Variants in NFXL1 observed in about 807,000 individuals in gnomAD.
NFXL1 encodes the protein NF-X1-type zinc finger protein NFXL1.
In NFXL1, 66 loss-of-function variants were observed where a neutral mutation model predicts 123.3. The observed-to-expected ratio is 0.54, with a 90% CI of 0.44 to 0.66. The LOEUF (loss-of-function observed/expected upper bound fraction) is 0.66. Ranked by LOEUF, NFXL1 falls within the 30% of genes least tolerant of loss-of-function variation. The pLI is 0.00. For synonymous variants in NFXL1, 346 were observed against 360.8 expected, an observed-to-expected ratio of 0.96 and a Z score of 0.46; for missense variants, 944 against 1,125.6, an observed-to-expected ratio of 0.84 and a Z score of 2.31.
intron 19 of NFXL1, among the ~76,000 whole-genome samples, chr4:47,860,714 T>A (rs945799239): frequency 6.6e-6 from 1 of 152,234 alleles, no homozygotes. Context: ...CAAAGTGATA[T>A]ACTTCTTGGC....
intron 3 of NFXL1, among the ~76,000 whole-genome samples, chr4:47,906,307 G>A (rs766720810): frequency 1.3e-5 from 2 of 152,102 alleles, no homozygotes; most frequent in African/African-American, 4.8e-5. Context: ...AGATTAAAAC[G>A]TAAACTACCA....
At position 47,910,923 on chromosome 4, in the gene NFXL1, C is replaced by T. The variant is rs763127394; in HGVS notation, c.307G>A (p.Glu103Lys). 8.7e-6 allele frequency: 14 copies of T among 1,608,168 alleles called. No individual in the cohort carries two copies. The highest frequency in any genetic ancestry group is 1.1e-5 in the Non-Finnish European group (13 of 1,177,282). ...TCTTCAGATGAAGAGCTAAACTGTTCTTCAACAAGTTTTCTGGCTGCAGCT... is the reference window on the plus strand; with the variant it reads ...TCTTCAGATGAAGAGCTAAACTGTTTTTCAACAAGTTTTCTGGCTGCAGCT... ...NQAAARKLVEEQFSSSSEEGD... is the reference protein window; with the variant it reads ...NQAAARKLVEKQFSSSSEEGD... The change falls in exon 3 of 23, where the codon GAA (glutamate) becomes AAA (lysine). Residue 103 changes from glutamate to lysine, a missense_variant. Transcript: ENST00000507489.
chr4:47,886,305 T>C (rs1736425014), intron 12 of NFXL1, among the ~76,000 whole-genome samples: 1 of 152,184 alleles, frequency 6.6e-6, no homozygotes, highest in African/African-American at 2.4e-5. Flanking sequence ...ATGTAAGTTT[T>C]GGTTACCTGG....
chr4:47,850,756 C>T (rs185081431), intron 22 of NFXL1, among the ~76,000 whole-genome samples: 2 of 152,140 alleles, frequency 1.3e-5, no homozygotes, highest in African/African-American at 4.8e-5. Context: ...GTCATGGTCT[C>T]CAGAAGATGC....
At chr4:47,877,580 G>T (rs1735829298) in intron 17 of NFXL1, among the ~76,000 whole-genome samples, 1 of 151,986 alleles carries the variant, frequency 6.6e-6, no homozygotes, top group African/African-American at 2.4e-5. Context: ...TTGTTAGTTT[G>T]ATTTTATAAT....
chr4:47,911,809 G>A (rs2110111157), intron 2 of NFXL1, among the ~76,000 whole-genome samples: 1 of 152,298 alleles, frequency 6.6e-6, no homozygotes, highest in South Asian at 2.1e-4. Context: ...CTTCTTGAGA[G>A]CAAGGACCAC....
rs776493802 is a variant in NFXL1 at position 47,884,334 on chromosome 4, T to C, written c.1916+12A>G. On this transcript the variant is annotated intron_variant, in intron 15 of 22. Coordinates refer to ENST00000507489, the MANE Select transcript of NFXL1 (RefSeq NM_001278624.2). ...TTTGTTTTTTTTTTTTAATTGAAAT[T>C]CTAATACTTACATAGGAATAGGAAC... 6.8e-7 allele frequency: 1 copy of C among 1,469,684 alleles called. No individual in the cohort carries two copies. The highest frequency in any genetic ancestry group is 2.0e-5 in the Admixed American group (1 of 50,824). 91.0% of individuals were successfully genotyped at this position (1,469,684 alleles called of 1,614,324 possible). A position where few individuals can be genotyped will look rare whatever the true frequency, so the allele number is the denominator to read the frequency against.
intron 12 of NFXL1, among the ~76,000 whole-genome samples, 179 bp from the exon 13 acceptor site, chr4:47,886,178 G>C (rs974230942): frequency 6.6e-6 from 1 of 152,120 alleles, no homozygotes; most frequent in African/African-American, 2.4e-5. Context: ...GGAGTACATA[G>C]TGCATGATTC....
At chr4:47,894,042 G>A (rs1440586305) in intron 11 of NFXL1, 138 bp downstream of exon 11, 1 of 488,816 alleles carries the variant, frequency 2.0e-6, no homozygotes, top group East Asian at 3.5e-5. Context: ...GCTTAATCTA[G>A]AATATTTATT....
rs1428448764 is a variant in NFXL1 at position 47,898,790 on chromosome 4, T to C, written c.1056A>G (p.Arg352=). 28 of 1,613,666 alleles carry C rather than the reference T, an allele frequency of 1.7e-5. No homozygotes were observed. The highest frequency in any genetic ancestry group is 2.1e-5 in the Non-Finnish European group (25 of 1,179,682). ...AGTGCCATAGTGGACTTGCACAACTTCTTTCAGCTACTTTTTTGCCACAGA... is the reference window on the plus strand; with the variant it reads ...AGTGCCATAGTGGACTTGCACAACTCCTTTCAGCTACTTTTTTGCCACAGA... ...KCVCGKKVAE[R]SCASPLWHCD... Residue 352 remains arginine (R), a synonymous_variant, in exon 8 of 23, where the codon AGA becomes AGG. Coordinates refer to ENST00000507489, the MANE Select transcript of NFXL1 (RefSeq NM_001278624.2).
Position 47,851,097 on chromosome 4 carries a change from G to A in NFXL1, c.2560C>T (p.Gln854Ter). ...AALEEEKRRQ[Q>*]AELEAFENRL... ...ATCTGGGTATTTTGTTTGGTTACCTGTTGTCTTCGTTTTTCTTCTTCAAGA... is the reference window on the plus strand; with the variant it reads ...ATCTGGGTATTTTGTTTGGTTACCTATTGTCTTCGTTTTTCTTCTTCAAGA... The change falls in exon 22 of 23, where the codon CAG becomes TAG. Residue 854 changes from glutamine (Q) to a stop codon, truncating the protein, a stop_gained and splice_region_variant. Coordinates refer to ENST00000507489, the MANE Select transcript of NFXL1 (RefSeq NM_001278624.2). LOFTEE classifies it high-confidence loss of function. The A allele has an allele frequency of 5.6e-6, 9 of 1,609,376 alleles. No individual in the cohort carries two copies. Among genetic ancestry groups the A allele is most frequent in the Non-Finnish European group, 7.7e-6 (9 of 1,175,854 alleles).
chr4:47,912,917 G>T (rs1341102108), intron 2 of NFXL1, among the ~76,000 whole-genome samples: 4 of 149,016 alleles, frequency 2.7e-5, no homozygotes, highest in Non-Finnish European at 5.9e-5. Flanking sequence ...GGAGGCTGAG[G>T]CCGGAGAACG....
chr4:47,860,168 T>TTAG (rs367617756), intron 19 of NFXL1, among the ~76,000 whole-genome samples: 43 of 152,296 alleles, frequency 2.8e-4, no homozygotes, highest in African/African-American at 9.6e-4. Flanking sequence ...TTAACTCAAC[T>TTAG]TAGTCATTCC....
Position 47,914,094 on chromosome 4 carries a change from C to A in NFXL1, c.110G>T (p.Arg37Leu). 3.2e-6 allele frequency: 5 copies of A among 1,551,510 alleles called. No individual in the cohort carries two copies. Among genetic ancestry groups the A allele is most frequent in the Non-Finnish European group, 4.4e-6 (5 of 1,147,778 alleles). The change falls in exon 2 of 23, where the codon CGA becomes CTA. Residue 37 changes from arginine (R) to leucine (L), a missense_variant. By Grantham distance (102) the Arg-to-Leu change is moderately radical (BLOSUM62 -2). Around this residue, in one of 4 missense-constraint regions of NFXL1, gnomAD observed 303 missense variants for 292.1 expected, o/e 1.04. Transcript: ENST00000507489. ...AACTGCGCCCACCGACCCCTTCTCT[C>A]GCCCTCCTCCGGCGCCGCGGAGATG... ...GVHLRGAGGG[R>L]EKGSVGAVPS...
intron 19 of NFXL1, among the ~76,000 whole-genome samples, chr4:47,862,005 T>C (rs1249141795): frequency 6.6e-6 from 1 of 152,198 alleles, no homozygotes; most frequent in African/African-American, 2.4e-5. Flanking sequence ...AGATACTATA[T>C]AGTACATCTG....
rs1442263141 is a variant in NFXL1, at chr4:47,874,435, G to A, written c.2246+692C>T. ...CTGTTGTTTCTTGGAATAAGTAGGCGCAAGAAGAGGTAGAGAGATAGGGGA... is the reference window on the plus strand; with the variant it reads ...CTGTTGTTTCTTGGAATAAGTAGGCACAAGAAGAGGTAGAGAGATAGGGGA... On this transcript the variant is annotated intron_variant, in intron 18 of 22. Coordinates refer to ENST00000507489, the MANE Select transcript of NFXL1 (RefSeq NM_001278624.2). Among the ~76,000 whole-genome samples the A allele has an allele frequency of 4.6e-5, 7 of 152,114 alleles. No individual in the cohort carries two copies. In the East Asian group the frequency reaches 5.8e-4, roughly 13 times the overall value.
intron 8 of NFXL1, 91 bp from the exon 9 acceptor site, chr4:47,898,172 A>C: frequency 1.6e-5 from 5 of 308,644 alleles, no homozygotes; most frequent in Non-Finnish European, 2.0e-5. Context: ...TCAATCACAA[A>C]TAAACAACTG....
chr4:47,914,468 G>A lies in NFXL1; in HGVS notation c.-106C>T. 4 of 402,978 alleles carry A rather than the reference G, an allele frequency of 9.9e-6. No homozygotes were observed. The highest frequency in any genetic ancestry group is 1.8e-5 in the Non-Finnish European group (4 of 225,228). The allele number at this position is 402,978 out of a possible 1,614,324, so 25.0% of individuals were successfully genotyped here. A position where few individuals can be genotyped will look rare whatever the true frequency, so the allele number is the denominator to read the frequency against. Reference sequence around the variant, plus strand: ...CGCGGAGCAAGAAGCACACAGTGCCGAAGACAGAAAGCCGGAGGAGAAGTC... The same window carrying A: ...CGCGGAGCAAGAAGCACACAGTGCCAAAGACAGAAAGCCGGAGGAGAAGTC... On this transcript the variant is annotated 5_prime_UTR_variant, in exon 1 of 23. Coordinates refer to ENST00000507489, the MANE Select transcript of NFXL1 (RefSeq NM_001278624.2).
At chr4:47,909,912 C>T (rs952523888) in intron 3 of NFXL1, among the ~76,000 whole-genome samples, 3 of 152,240 alleles carry the variant, frequency 2.0e-5, no homozygotes, top group Middle Eastern at 3.4e-3. Context: ...CCCCCGGCCT[C>T]GGCCTCCCAA....
Sources: gnomAD v4.1 joint callset for allele counts (sites outside exome capture counted in the v4.1 genomes callset) on GRCh38, gnomAD v4.1.1 for gene constraint, gnomAD v4.1.1 regional missense constraint, MANE v1.5 for transcripts, NCBI Gene and HGNC (gene_info 2026-07-23, HGNC 2026-07-21) for gene names.